KCNMA1: variants seen among roughly 807,000 people sequenced by gnomAD.
The protein encoded by KCNMA1 is Calcium-activated potassium channel subunit alpha-1.
KCNMA1 carries 29 observed loss-of-function variants against 140.0 expected under a neutral mutation model. The ratio of observed to expected loss-of-function variants is 0.21; its 90% CI spans 0.15 to 0.28. The LOEUF (loss-of-function observed/expected upper bound fraction) is 0.28, where lower values mean the gene tolerates loss of function less well. Ranked by LOEUF, KCNMA1 falls within the 10% of genes least tolerant of loss-of-function variation. The pLI is 1.00. For synonymous variants in KCNMA1, 612 were observed against 611.9 expected (o/e 1.00, Z 0.00); for missense variants, 880 against 1,602.2 (o/e 0.55, Z 7.70).
chr10:77,518,730 T>G (rs1567285345), intron 1 of KCNMA1, among the ~76,000 whole-genome samples: 1 of 152,198 alleles, frequency 6.6e-6, no homozygotes, highest in South Asian at 2.1e-4. Flanking sequence ...CACCTATGCT[T>G]TGGGGACTCC....
intron 1 of KCNMA1, among the ~76,000 whole-genome samples, chr10:77,449,189 C>T (rs1340991565): frequency 6.6e-6 from 1 of 151,712 alleles, no homozygotes; most frequent in East Asian, 1.9e-4. Context: ...AGCAGAGACA[C>T]CAAATTATAT....
chr10:76,895,029 A>C (rs767769101), intron 25 of KCNMA1, among the ~76,000 whole-genome samples: 2 of 152,222 alleles, frequency 1.3e-5, no homozygotes, highest in Non-Finnish European at 2.9e-5. Flanking sequence ...GTAGTTAAAG[A>C]CTGACCCGCA....
At chr10:77,493,270 C>T (rs1333546282) in intron 1 of KCNMA1, among the ~76,000 whole-genome samples, 6 of 152,266 alleles carry the variant, frequency 3.9e-5, no homozygotes, top group Admixed American at 3.9e-4. Flanking sequence ...CACCCCAGGA[C>T]AGGCATGGTG....
intron 1 of KCNMA1, among the ~76,000 whole-genome samples, chr10:77,429,498 T>C (rs1013343013): frequency 1.1e-4 from 17 of 152,330 alleles, no homozygotes; most frequent in African/African-American, 3.8e-4. Flanking sequence ...GGTCTACCCT[T>C]ACAATTCCCA....
chr10:77,497,699 T>C (rs182018457), intron 1 of KCNMA1, among the ~76,000 whole-genome samples: 1 of 152,202 alleles, frequency 6.6e-6, no homozygotes, highest in East Asian at 1.9e-4. Flanking sequence ...GAATCTGAGG[T>C]TGTAATGGTC....
chr10:77,479,385 AG>A (rs1324353683), intron 1 of KCNMA1, among the ~76,000 whole-genome samples: 1 of 152,158 alleles, frequency 6.6e-6, no homozygotes, highest in Non-Finnish European at 1.5e-5. Context: ...GGGAGGGGGC[AG>A]GAGGTGTCCA....
intron 1 of KCNMA1, among the ~76,000 whole-genome samples, chr10:77,553,862 G>A (rs1603635687): frequency 6.6e-6 from 1 of 152,154 alleles, no homozygotes; most frequent in Non-Finnish European, 1.5e-5. Flanking sequence ...AACAGACATG[G>A]TTCTAAAACC....
intron 5 of KCNMA1, among the ~76,000 whole-genome samples, chr10:77,125,358 C>T (rs892880262): frequency 1.1e-4 from 16 of 152,236 alleles, no homozygotes; most frequent in African/African-American, 3.9e-4. Context: ...GTCACTCCTA[C>T]TACTGTCCGC....
chr10:77,108,640 G>T lies in KCNMA1; in HGVS notation c.1132-68C>A. On this transcript the variant is annotated intron_variant, in intron 8 of 27. Transcript: ENST00000286628. This position sits in a 1 kb window ranked among gnomAD's most constrained non-coding sequence, Gnocchi z 4.6. ...AAAGAAAAGGGGGGACCTGTTCAGAGGGTGGGGGCACTAAGATCTGAAAAC... is the reference window on the plus strand; with the variant it reads ...AAAGAAAAGGGGGGACCTGTTCAGATGGTGGGGGCACTAAGATCTGAAAAC... 8.8e-7 allele frequency: 1 copy of T among 1,133,584 alleles called. No homozygotes were observed. The highest frequency in any genetic ancestry group is 1.3e-6 in the Non-Finnish European group (1 of 749,420). The allele number at this position is 1,133,584 out of a possible 1,614,324, so 70.2% of individuals were successfully genotyped here. A position where few individuals can be genotyped will look rare whatever the true frequency, so the allele number is the denominator to read the frequency against.
chr10:76,998,658 T>G (rs1488977225), intron 19 of KCNMA1, among the ~76,000 whole-genome samples: 1 of 152,182 alleles, frequency 6.6e-6, no homozygotes, highest in Non-Finnish European at 1.5e-5. Context: ...ACCCTCTACA[T>G]TTCACATCTG....
At chr10:77,200,674 T>C (rs1333710809) in intron 3 of KCNMA1, among the ~76,000 whole-genome samples, 1 of 151,518 alleles carries the variant, frequency 6.6e-6, no homozygotes, top group African/African-American at 2.4e-5. Flanking sequence ...TAAGAAGCTG[T>C]TCTTTCTGCT....
intron 2 of KCNMA1, among the ~76,000 whole-genome samples, chr10:77,308,671 G>A (rs1477774267): frequency 2.0e-5 from 3 of 152,160 alleles, no homozygotes; most frequent in African/African-American, 7.2e-5. Flanking sequence ...GGCAGCATGA[G>A]GGATCACTCA....
intron 5 of KCNMA1, among the ~76,000 whole-genome samples, chr10:77,159,006 C>A (rs1013210367): frequency 1.3e-5 from 2 of 152,212 alleles, no homozygotes; most frequent in Non-Finnish European, 2.9e-5. Flanking sequence ...TTAAAAATAA[C>A]CACATTTTAT....
At chr10:77,473,967 C>T (rs1240713154) in intron 1 of KCNMA1, among the ~76,000 whole-genome samples, 2 of 152,192 alleles carry the variant, frequency 1.3e-5, no homozygotes, top group East Asian at 1.9e-4. Flanking sequence ...AACAGGTGCG[C>T]TCCTCCTCCG....
At chr10:77,394,705 C>T (rs946788953) in intron 2 of KCNMA1, among the ~76,000 whole-genome samples, 7 of 152,174 alleles carry the variant, frequency 4.6e-5, no homozygotes, top group East Asian at 1.9e-4. Flanking sequence ...AATGTAGACA[C>T]GTCCCCATGA....
intron 2 of KCNMA1, among the ~76,000 whole-genome samples, chr10:77,341,955 C>T (rs903633283): frequency 5.9e-5 from 9 of 152,190 alleles, no homozygotes; most frequent in African/African-American, 2.2e-4. Context: ...CATGGACAGA[C>T]CCCTCTGGCT....
At chr10:77,397,227 G>A (rs1169781899) in intron 2 of KCNMA1, among the ~76,000 whole-genome samples, 1 of 152,160 alleles carries the variant, frequency 6.6e-6, no homozygotes, top group Non-Finnish European at 1.5e-5. Context: ...CTCGACCTTA[G>A]AGAATCTCTT....
intron 19 of KCNMA1, among the ~76,000 whole-genome samples, chr10:76,986,246 G>A (rs948935727): frequency 2.0e-5 from 3 of 152,120 alleles, no homozygotes; most frequent in East Asian, 1.9e-4. Flanking sequence ...TAACTCATGC[G>A]GCAACCAAAA....
chr10:77,096,882 C>T (rs898710273), intron 9 of KCNMA1, among the ~76,000 whole-genome samples: 4 of 152,130 alleles, frequency 2.6e-5, no homozygotes, highest in Admixed American at 6.5e-5. Context: ...CTGCTCCTCC[C>T]AAAATGCATC....
Sources: gnomAD v4.1 joint callset for allele counts (sites outside exome capture counted in the v4.1 genomes callset) on GRCh38, gnomAD v4.1.1 for gene constraint, Gnocchi (gnomAD v3.1) non-coding constraint, MANE v1.5 for transcripts, NCBI Gene and HGNC (gene_info 2026-07-23, HGNC 2026-07-21) for gene names.